The following PCDHA10 variants were observed in gnomAD, a reference collection of about 807,000 sequenced individuals.
PCDHA10 encodes protocadherin alpha 10.
Under a neutral mutation model 61.2 loss-of-function variants are expected in PCDHA10, and 45 were observed. The ratio of observed to expected loss-of-function variants is 0.74; its 90% CI spans 0.58 to 0.94. The LOEUF is 0.94. Among genes scored for constraint, PCDHA10 ranks in the 40% least tolerant of loss-of-function variants. PCDHA10 has a pLI of 0.00. For missense variants in PCDHA10, 1,278 were observed against 1,236.2 expected (o/e 1.03, Z -0.51); for synonymous variants, 602 against 548.8 (o/e 1.10, Z -1.35).
intron 1 of PCDHA10, chr5:140,927,089 T>G: frequency 6.2e-7 from 1 of 1,612,460 alleles, no homozygotes; most frequent in Non-Finnish European, 8.5e-7. Flanking sequence ...GAGCTCTACT[T>G]CGGGGTGGAT....
At chr5:140,920,565 G>A (rs1225212458) in intron 1 of PCDHA10, among the ~76,000 whole-genome samples, 27 of 152,152 alleles carry the variant, frequency 1.8e-4, no homozygotes, top group Admixed American at 1.6e-3. Context: ...TGGCCCTTAG[G>A]CCAGGAGCAG....
At chr5:140,858,849 A>G (rs2045624236) in intron 1 of PCDHA10, 2 of 285,640 alleles carry the variant, frequency 7.0e-6, no homozygotes, top group Admixed American at 5.1e-5. Context: ...CCACTGATCT[A>G]TATCTCTTCA....
chr5:140,882,420 A>C, intron 1 of PCDHA10: 1 of 1,614,046 alleles, frequency 6.2e-7, no homozygotes, highest in East Asian at 2.2e-5. Context: ...ATCGCTCAGG[A>C]CCTGGGGCTG....
intron 1 of PCDHA10, among the ~76,000 whole-genome samples, chr5:140,973,301 A>C (rs1469183006): frequency 1.3e-5 from 2 of 152,034 alleles, no homozygotes; most frequent in Admixed American, 6.6e-5. Context: ...CTATCTGATG[A>C]CTCTATCCTG....
At chr5:140,927,123 C>T (rs2083865957) in intron 1 of PCDHA10, 1 of 1,613,986 alleles carries the variant, frequency 6.2e-7, no homozygotes, top group Non-Finnish European at 8.5e-7. Context: ...ATTTGGTGGT[C>T]AGAGAGCCGG....
rs1562773759 is a variant in PCDHA10 at position 140,882,388 on chromosome 5, A to G, written c.2388+23952A>G. 2.5e-6 allele frequency: 4 copies of G among 1,614,158 alleles called. No individual in the cohort carries two copies. The African/African-American group carries it at 4.0e-5, about 16-fold the overall frequency. Reference sequence around the variant, plus strand: ...ACTACTCCGTCCCCGAGGAAGCAAAACACGGCACCTTCGTGGGCCGCATCG... The same window carrying G: ...ACTACTCCGTCCCCGAGGAAGCAAAGCACGGCACCTTCGTGGGCCGCATCG... On this transcript the variant is annotated intron_variant, in intron 1 of 3. Transcript: ENST00000307360.
chr5:140,870,391 G>C, intron 1 of PCDHA10: 1 of 1,614,230 alleles, frequency 6.2e-7, no homozygotes, highest in Non-Finnish European at 8.5e-7. Flanking sequence ...GCGGGATGGG[G>C]GTTCGCCTTC....
At chr5:140,922,210 A>AAC (rs2080722350) in intron 1 of PCDHA10, among the ~76,000 whole-genome samples, 2 of 152,232 alleles carry the variant, frequency 1.3e-5, no homozygotes, top group Admixed American at 1.3e-4. Context: ...GAAACTTTGT[A>AAC]AAACATTTGA....
chr5:141,010,381 T>C lies in PCDHA10; in HGVS notation c.*444T>C. On this transcript the variant is annotated 3_prime_UTR_variant, in exon 4 of 4. Transcript: ENST00000307360. ...ACCGCGGGTATGCGAGTGCCAGATA[T>C]TGGCTGAGACGAGCCAGCTTAGACT... 2.8e-6 allele frequency: 4 copies of C among 1,442,848 alleles called. No homozygotes were observed. The highest frequency in any genetic ancestry group is 2.8e-6 in the Non-Finnish European group (3 of 1,086,990). The allele number at this position is 1,442,848 out of a possible 1,614,324, so 89.4% of individuals were successfully genotyped here.
chr5:140,982,882 C>A (rs1554244920), intron 3 of PCDHA10, among the ~76,000 whole-genome samples: 1 of 151,972 alleles, frequency 6.6e-6, no homozygotes, highest in African/African-American at 2.4e-5. Flanking sequence ...CCAAGCCATG[C>A]AGAGAAGATC....
chr5:140,884,135 C>A (rs1554181269), intron 1 of PCDHA10: 1 of 1,613,422 alleles, frequency 6.2e-7, no homozygotes. Context: ...CATCCCGTTC[C>A]GCGTGGGGCT....
chr5:140,864,277 T>C (rs1203382304), intron 1 of PCDHA10: 1 of 152,228 alleles, frequency 6.6e-6, no homozygotes, highest in African/African-American at 2.4e-5. Context: ...CTCCATTCCT[T>C]ATTGTTTTTA....
At chr5:140,863,497 C>A in intron 1 of PCDHA10, 1 of 434,948 alleles carries the variant, frequency 2.3e-6, no homozygotes, top group South Asian at 1.8e-5. Context: ...AACATTACGG[C>A]TTTTAGTCCT....
At chr5:141,008,341 T>C (rs1307430556) in intron 3 of PCDHA10, among the ~76,000 whole-genome samples, 2 of 152,132 alleles carry the variant, frequency 1.3e-5, no homozygotes, top group African/African-American at 4.8e-5. Context: ...TGATGGAGCT[T>C]TTCACGTGTC....
At chr5:140,927,089 TC>T in intron 1 of PCDHA10, 1 of 1,612,460 alleles carries the variant, frequency 6.2e-7, no homozygotes, top group Non-Finnish European at 8.5e-7. Context: ...GAGCTCTACT[TC>T]GGGGTGGATC....
chr5:140,875,818 G>T (rs2055839936), intron 1 of PCDHA10: 1 of 1,614,100 alleles, frequency 6.2e-7, no homozygotes, highest in East Asian at 2.2e-5. Flanking sequence ...GCCGCTGCAG[G>T]TTTTCCATGT....
intron 1 of PCDHA10, among the ~76,000 whole-genome samples, chr5:140,962,286 T>C (rs1209495659): frequency 1.3e-5 from 2 of 152,224 alleles, no homozygotes; most frequent in Admixed American, 6.5e-5. Context: ...CCTCAACCTT[T>C]AATATTCTAT....
At chr5:140,892,673 T>C (rs1554185319) in intron 1 of PCDHA10, among the ~76,000 whole-genome samples, 1 of 152,262 alleles carries the variant, frequency 6.6e-6, no homozygotes, top group East Asian at 1.9e-4. Flanking sequence ...TTGATACATA[T>C]ATACAATGTA....
At chr5:140,927,359 A>G in intron 1 of PCDHA10, 2 of 1,613,980 alleles carry the variant, frequency 1.2e-6, no homozygotes, top group Middle Eastern at 1.6e-4. Flanking sequence ...GAGGGAAGCA[A>G]TGGGATACTA....
Sources: allele counts gnomAD v4.1 joint callset (sites outside exome capture counted in the v4.1 genomes callset), GRCh38; gene constraint gnomAD v4.1.1; transcripts MANE v1.5; gene names NCBI Gene and HGNC (gene_info 2026-07-23, HGNC 2026-07-21).